Variants in USP40 observed in about 807,000 individuals in gnomAD.
USP40 encodes ubiquitin specific peptidase 40.
In USP40, 143 loss-of-function variants were observed where a neutral mutation model predicts 166.2. The observed-to-expected ratio is 0.86, with a 90% CI of 0.75 to 0.99. The LOEUF (loss-of-function observed/expected upper bound fraction) is 0.99, where lower values mean the gene tolerates loss of function less well. Ranked by LOEUF, USP40 falls within the 50% of genes least tolerant of loss-of-function variation. The pLI is 0.00. For missense variants in USP40, 1,444 were observed against 1,479.7 expected (o/e 0.98, Z 0.40); for synonymous variants, 498 against 524.0 (o/e 0.95, Z 0.68).
intron 6 of USP40, among the ~76,000 whole-genome samples, chr2:233,553,954 T>C (rs2070816141): frequency 6.6e-6 from 1 of 152,216 alleles, no homozygotes; most frequent in African/African-American, 2.4e-5. Context: ...GGTAAGGCTA[T>C]ATTGGATTTG....
rs758811927 is a variant in USP40 at position 233,481,260 on chromosome 2, AT to A, written c.3541del (p.Ile1181SerfsTer67). 3 of 1,607,666 alleles carry A rather than the reference AT, an allele frequency of 1.9e-6. No homozygotes were observed. The East Asian group carries it at 6.7e-5, about 36-fold the overall frequency. ...CTTTTCTTTTCCAGTGTCATCTCTG[AT>A]TGTACTGAAATCATCATCGTCGTCA... ...LIDDDDDFST[I>X]RDDTGKEKQK... On this transcript the variant is annotated frameshift_variant, in exon 31 of 32. Transcript: ENST00000678225. LOFTEE classifies it high-confidence loss of function.
intron 18 of USP40, among the ~76,000 whole-genome samples, chr2:233,517,393 T>TG (rs1365165371): frequency 6.8e-6 from 1 of 147,620 alleles, no homozygotes; most frequent in Non-Finnish European, 1.5e-5. Context: ...TTTGTTTTTT[T>TG]TTTTTTTTTG....
chr2:233,521,753 T>C (rs1218544319), intron 16 of USP40, among the ~76,000 whole-genome samples: 4 of 152,182 alleles, frequency 2.6e-5, no homozygotes, highest in Admixed American at 2.0e-4. Flanking sequence ...CTACTCTTTA[T>C]TGCAGTTATT....
chr2:233,554,574 C>T (rs1559282776), intron 5 of USP40, 48 bp from the exon 6 acceptor site: 1 of 1,460,336 alleles, frequency 6.8e-7, no homozygotes, highest in Admixed American at 2.1e-5. Context: ...CAGAGGTTTA[C>T]AAACACATCA....
chr2:233,527,347 G>C, intron 13 of USP40, 60 bp downstream of exon 13: 1 of 1,547,008 alleles, frequency 6.5e-7, no homozygotes, highest in Non-Finnish European at 8.8e-7. Flanking sequence ...GAATGAAATG[G>C]AGAGTCTAGC....
At chr2:233,479,326 A>G (rs1490964731) in intron 31 of USP40, among the ~76,000 whole-genome samples, 1 of 152,182 alleles carries the variant, frequency 6.6e-6, no homozygotes, top group Non-Finnish European at 1.5e-5. Context: ...GTACTTTGGG[A>G]GGCCAAGGCG....
chr2:233,508,334 T>C (rs1358017138), intron 21 of USP40, among the ~76,000 whole-genome samples: 1 of 152,210 alleles, frequency 6.6e-6, no homozygotes, highest in Non-Finnish European at 1.5e-5. Flanking sequence ...GGTTGCTATG[T>C]CTTTTAAGCC....
chr2:233,491,096 G>A (rs1477284643), intron 26 of USP40, 71 bp downstream of exon 26: 10 of 1,078,868 alleles, frequency 9.3e-6, no homozygotes, highest in Admixed American at 2.0e-5. Flanking sequence ...AAAGGAGATA[G>A]AAGAATATAT....
At chr2:233,521,191 A>T in intron 16 of USP40, 77 bp from the exon 17 acceptor site, 3 of 1,482,718 alleles carry the variant, frequency 2.0e-6, no homozygotes, top group Non-Finnish European at 2.7e-6. Flanking sequence ...TGTGTCACTT[A>T]ATGTGACTAA....
In USP40 at chr2:233,485,547, T is replaced by C. The variant is rs943774035; in HGVS notation, c.3488A>G (p.Asp1163Gly). The change falls in exon 30 of 32, where the codon GAT (aspartate) becomes GGT (glycine). Residue 1163 changes from aspartate to glycine, a missense_variant. By Grantham distance (94) the Asp-to-Gly change is moderately conservative. Coordinates refer to ENST00000678225, the MANE Select transcript of USP40 (RefSeq NM_001365479.2). Reference protein sequence around the residue: ...QGAPYYLKDGDTIGVKNLLID... With the variant: ...QGAPYYLKDGGTIGVKNLLID... ...ACAACTTACCTTAACACCAATAGTATCTCCGTCTTTCAAGTAATACGGTGC... is the reference window on the plus strand; with the variant it reads ...ACAACTTACCTTAACACCAATAGTACCTCCGTCTTTCAAGTAATACGGTGC... The C allele has an allele frequency of 1.9e-6, 3 of 1,613,724 alleles. No homozygotes were observed. Among genetic ancestry groups the C allele is most frequent in the African/African-American group, 1.3e-5 (1 of 74,922 alleles).
chr2:233,559,885 G>A lies in USP40; in HGVS notation c.307C>T (p.Gln103Ter). The change falls in exon 4 of 32, where the codon CAG becomes TAG. Residue 103 changes from glutamine (Q) to a stop codon, truncating the protein, a stop_gained. Coordinates refer to ENST00000678225, the MANE Select transcript of USP40 (RefSeq NM_001365479.2). LOFTEE classifies it high-confidence loss of function. ...GCTTCCTGGTCTAAGAGCAGAAGCT[G>A]AGCAAACAAGCGCTGTAACTGTAAA... is the stretch of plus-strand genomic sequence containing the variant. ...IPLQLQRLFA[Q>*]LLLLDQEAAS... is the part of the protein sequence containing the mutation. 1 of 1,609,728 alleles carries A rather than the reference G, an allele frequency of 6.2e-7. No homozygotes were observed. Among genetic ancestry groups the A allele is most frequent in the South Asian group, 1.1e-5 (1 of 89,728 alleles).
chr2:233,485,486 C>T (rs371567492), intron 30 of USP40, 45 bp downstream of exon 30: 134 of 1,431,504 alleles, frequency 9.4e-5, no homozygotes, highest in Non-Finnish European at 1.3e-4. Flanking sequence ...ATCATGTGAC[C>T]CTCGTGTCTT....
chr2:233,558,600 C>T (rs1289734381), intron 4 of USP40, among the ~76,000 whole-genome samples: 1 of 152,084 alleles, frequency 6.6e-6, no homozygotes, highest in Non-Finnish European at 1.5e-5. Flanking sequence ...TTGCCAGCGG[C>T]TGAGTTGAGG....
chr2:233,483,435 G>A (rs1251364676), intron 30 of USP40, among the ~76,000 whole-genome samples: 1 of 152,178 alleles, frequency 6.6e-6, no homozygotes, highest in Non-Finnish European at 1.5e-5. Context: ...AGGTTACAGT[G>A]AGTGGAAATC....
intron 11 of USP40, among the ~76,000 whole-genome samples, chr2:233,529,814 C>CTTTTTTTTTTTTTTTTTTTTTTTTTTTTT (rs369071345): frequency 3.7e-5 from 5 of 133,950 alleles, no homozygotes; most frequent in Admixed American, 1.6e-4. Flanking sequence ...TTTTCTTTTT[C>CTTTTTTTTTTTTTTTTTTTTTTTTTTTTT]TTTTTTTTTT....
chr2:233,497,664 T>C (rs1322985389), intron 23 of USP40, among the ~76,000 whole-genome samples: 1 of 152,228 alleles, frequency 6.6e-6, no homozygotes, highest in African/African-American at 2.4e-5. Flanking sequence ...AATTTGGGAA[T>C]TAATAGAGAA....
rs926738909 is a variant in USP40 at position 233,486,457 on chromosome 2, C to T, written c.3198-480G>A. On this transcript the variant is annotated intron_variant, in intron 28 of 31. Coordinates refer to ENST00000678225, the MANE Select transcript of USP40 (RefSeq NM_001365479.2). The surrounding 1 kb of genome is among the most constrained non-coding windows in gnomAD (Gnocchi z 4.0). ...TGGAATTGGGAAGAGAGACACAGGG[C>T]GGGTGAGACACAAGGCTGCAGCTGT... Among the ~76,000 whole-genome samples, 7 of 151,984 alleles carry T rather than the reference C, an allele frequency of 4.6e-5. No individual in the cohort carries two copies. The highest frequency in any genetic ancestry group is 2.6e-4 in the Admixed American group (4 of 15,256).
intron 6 of USP40, 191 bp downstream of exon 6, chr2:233,554,189 G>A: frequency 2.0e-6 from 1 of 508,846 alleles, no homozygotes. Flanking sequence ...AAAGGAAGTT[G>A]GGTGAACTGT....
At chr2:233,510,392 CTTTTTTTTTTTT>C (rs1158427662) in intron 20 of USP40, among the ~76,000 whole-genome samples, 6 of 68,690 alleles carry the variant, frequency 8.7e-5, no homozygotes, top group South Asian at 5.1e-4. Context: ...CTTTTTCTTT[CTTTTTTTTTTTT>C]TTTTTTTTTT....
Sources: gnomAD v4.1 joint callset for allele counts (sites outside exome capture counted in the v4.1 genomes callset) on GRCh38, gnomAD v4.1.1 for gene constraint, Gnocchi (gnomAD v3.1) non-coding constraint, MANE v1.5 for transcripts, NCBI Gene and HGNC (gene_info 2026-07-23, HGNC 2026-07-21) for gene names.